Variants in SHCBP1L observed in about 807,000 individuals in gnomAD.
SHCBP1L encodes the protein SHC binding and spindle associated 1 like.
SHCBP1L carries 67 observed loss-of-function variants against 62.5 expected under a neutral mutation model. The observed-to-expected ratio is 1.07, with a 90% CI of 0.88 to 1.31. The LOEUF (loss-of-function observed/expected upper bound fraction) is 1.31, where lower values mean the gene tolerates loss of function less well. Ranked by LOEUF, SHCBP1L falls within the 40% of genes most tolerant of loss-of-function variation. SHCBP1L has a pLI of 0.00. For missense variants in SHCBP1L, 823 were observed against 809.8 expected (o/e 1.02, Z -0.20); for synonymous variants, 284 against 289.4 (o/e 0.98, Z 0.19).
intron 6 of SHCBP1L, among the ~76,000 whole-genome samples, chr1:182,914,003 AC>A (rs1650275234): frequency 6.6e-6 from 1 of 152,200 alleles, no homozygotes; most frequent in African/African-American, 2.4e-5. Flanking sequence ...ATGATAAAAA[AC>A]AATCCAAAGA....
intron 2 of SHCBP1L, 137 bp from the exon 3 acceptor site, chr1:182,940,680 T>C: frequency 1.6e-6 from 1 of 631,728 alleles, no homozygotes; most frequent in Non-Finnish European, 2.6e-6. Context: ...ACATACAGAA[T>C]AATTATAGAT....
Position 182,899,987 on chromosome 1 carries a change from C to T in SHCBP1L, c.1958G>A (p.Ser653Asn), listed in dbSNP as rs151261538. The change falls in exon 10 of 10, where the codon AGT (serine) becomes AAT (asparagine). Residue 653 changes from serine (S) to asparagine (N), a missense_variant. Transcript: ENST00000367547. ...NVKGDIRIVT[S>N] ...TTTAACATCAATTCAGACGCTTTAA[C>T]TTGTGACTATTCTGATATCCCCCTT... The T allele has an allele frequency of 1.3e-3, 2,023 of 1,600,038 alleles. 6 individuals are homozygous for T. Among genetic ancestry groups the T allele is most frequent in the South Asian group, 3.2e-3 (278 of 87,508 alleles).
chr1:182,918,072 A>C (rs779810538), intron 6 of SHCBP1L, among the ~76,000 whole-genome samples: 9 of 149,776 alleles, frequency 6.0e-5, no homozygotes, highest in African/African-American at 9.8e-5. Context: ...CTCTCTCTAT[A>C]TATATATGTA....
chr1:182,951,211 T>TG, intron 2 of SHCBP1L, 107 bp downstream of exon 2: 2 of 889,824 alleles, frequency 2.2e-6, no homozygotes, highest in Non-Finnish European at 3.2e-6. Context: ...AAAACAGAAG[T>TG]AAAAATGTGT....
Position 182,904,179 on chromosome 1 carries a change from C to A in SHCBP1L, c.1587+1G>T. ...GCCATACTTTTTAAAGAATGAAATA[C>A]CTGGGCGCCAGTTATTTCACTGTCT... is the stretch of plus-strand genomic sequence containing the variant. On this transcript the variant is annotated splice_donor_variant, in intron 8 of 9. Transcript: ENST00000367547. LOFTEE classifies it high-confidence loss of function. 6.2e-7 allele frequency: 1 copy of A among 1,613,508 alleles called. No individual in the cohort carries two copies. The highest frequency in any genetic ancestry group is 8.5e-7 in the Non-Finnish European group (1 of 1,179,798).
intron 6 of SHCBP1L, among the ~76,000 whole-genome samples, chr1:182,916,362 T>C (rs575620434): frequency 6.6e-6 from 1 of 151,832 alleles, no homozygotes; most frequent in Admixed American, 6.6e-5. Context: ...AAGGAAACGA[T>C]ACAGATTAGA....
chr1:182,931,714 T>C (rs1375396481), intron 5 of SHCBP1L, among the ~76,000 whole-genome samples: 1 of 152,144 alleles, frequency 6.6e-6, no homozygotes, highest in Non-Finnish European at 1.5e-5. Context: ...ACTATCAATA[T>C]CTGGCACCAG....
At chr1:182,927,244 C>T (rs1453274298) in intron 6 of SHCBP1L, among the ~76,000 whole-genome samples, 1 of 151,610 alleles carries the variant, frequency 6.6e-6, no homozygotes, top group Non-Finnish European at 1.5e-5. Context: ...CTACAAAGTC[C>T]ATGCCTTTCC....
intron 2 of SHCBP1L, 31 bp downstream of exon 2, chr1:182,951,287 A>C: frequency 6.9e-7 from 1 of 1,449,976 alleles, no homozygotes; most frequent in Non-Finnish European, 9.2e-7. Context: ...ACTGATTCAA[A>C]AAGAACAAAG....
chr1:182,951,961 C>A (rs1458991366), intron 1 of SHCBP1L: 1 of 344,000 alleles, frequency 2.9e-6, no homozygotes, highest in Non-Finnish European at 6.0e-6. Context: ...TCGAGTCCAG[C>A]CTGACCAACT....
intron 5 of SHCBP1L, among the ~76,000 whole-genome samples, chr1:182,936,705 A>G (rs1029515541): frequency 6.6e-6 from 1 of 152,090 alleles, no homozygotes; most frequent in African/African-American, 2.4e-5. Flanking sequence ...TTACCTAATG[A>G]ATCATTACCA....
chr1:182,903,171 A>G lies in SHCBP1L; in HGVS notation c.1588-10T>C. On this transcript the variant is annotated splice_polypyrimidine_tract_variant and intron_variant, in intron 8 of 9. Coordinates refer to ENST00000367547, the MANE Select transcript of SHCBP1L (RefSeq NM_030933.4). ...GTTCAACACCAGCACCCTGTAAATTAAAAGCAAATAAAACTATCTACAAAA... is the reference window on the plus strand; with the variant it reads ...GTTCAACACCAGCACCCTGTAAATTGAAAGCAAATAAAACTATCTACAAAA... 2 of 1,517,994 alleles carry G rather than the reference A, an allele frequency of 1.3e-6. No individual in the cohort carries two copies. The highest frequency in any genetic ancestry group is 1.4e-5 in the African/African-American group (1 of 71,342). 94.0% of individuals were successfully genotyped at this position (1,517,994 alleles called of 1,614,324 possible).
At chr1:182,942,389 T>A in intron 2 of SHCBP1L, 1 of 736,220 alleles carries the variant, frequency 1.4e-6, no homozygotes. Flanking sequence ...GGAGCTGACC[T>A]TCCTCTTGGG....
Position 182,952,762 on chromosome 1 carries a change from C to T in SHCBP1L, c.372G>A (p.Ser124=), listed in dbSNP as rs1651821896. The change falls in exon 1 of 10, where the codon TCG becomes TCA. Residue 124 remains serine, a synonymous_variant. Transcript: ENST00000367547. The stretch of plus-strand genomic sequence containing the variant: ...CCTGCAGCACTTCGTCGCAATACAG[C>T]GACACCTTCTCGTCCCGCCACATCC... ...MRGMWRDEKV[S]LYCDEVLQDC... The T allele has an allele frequency of 6.2e-7, 1 of 1,611,830 alleles. No individual in the cohort carries two copies. Among genetic ancestry groups the T allele is most frequent in the African/African-American group, 1.3e-5 (1 of 74,652 alleles).
rs1406689507 is a variant in SHCBP1L, at chr1:182,900,167, C to G, written c.1778G>C (p.Ser593Thr). 2.5e-6 allele frequency: 4 copies of G among 1,612,200 alleles called. No individual in the cohort carries two copies. The highest frequency in any genetic ancestry group is 3.4e-6 in the Non-Finnish European group (4 of 1,179,004). The stretch of plus-strand genomic sequence containing the variant: ...AAACTGTTCCATTGGTTGAAGAATG[C>G]TTACTCCATAGCCTTTGTTGCTATA... ...HIYSNKGYGV[S>T]ILQPMEQFFI... Residue 593 changes from serine to threonine, a missense_variant, in exon 10 of 10, where the codon AGC (serine) becomes ACC (threonine). Transcript: ENST00000367547.
At chr1:182,907,245 C>T (rs1403369796) in intron 6 of SHCBP1L, among the ~76,000 whole-genome samples, 1 of 151,240 alleles carries the variant, frequency 6.6e-6, no homozygotes, top group Admixed American at 6.6e-5. Context: ...CCAGCCTGAC[C>T]AACATGGTGA....
chr1:182,934,944 C>G lies in SHCBP1L; in HGVS notation c.1076+4232G>C, dbSNP rs542570326. 3.9e-5 allele frequency among the ~76,000 whole-genome samples: 6 copies of G among 152,166 alleles called. No individual in the cohort carries two copies. The East Asian group carries it at 9.6e-4, about 24-fold the overall frequency. ...CTTTTTCTATTACATTTCTTTTGCC[C>G]TTTGTCAAGTCAGTCTACTCTATGT... On this transcript the variant is annotated intron_variant, in intron 5 of 9. Transcript: ENST00000367547.
At chr1:182,936,642 C>T (rs1050676517) in intron 5 of SHCBP1L, among the ~76,000 whole-genome samples, 1 of 152,126 alleles carries the variant, frequency 6.6e-6, no homozygotes, top group Non-Finnish European at 1.5e-5. Context: ...CAATTCTATC[C>T]TCCCATCTTT....
chr1:182,930,010 A>T (rs987799276), intron 5 of SHCBP1L, among the ~76,000 whole-genome samples: 3 of 152,182 alleles, frequency 2.0e-5, no homozygotes, highest in Non-Finnish European at 4.4e-5. Flanking sequence ...ACCCTCTGCA[A>T]CCATTGCCTC....
Sources: allele counts gnomAD v4.1 joint callset (sites outside exome capture counted in the v4.1 genomes callset), GRCh38; gene constraint gnomAD v4.1.1; transcripts MANE v1.5; gene names NCBI Gene and HGNC (gene_info 2026-07-23, HGNC 2026-07-21).